Variants in CPEB1 observed in about 807,000 individuals in gnomAD.
CPEB1 encodes the protein cytoplasmic polyadenylation element binding protein 1, also known as cytoplasmic polyadenylation element-binding protein 1.
A neutral mutation model predicts 65.8 loss-of-function variants in CPEB1; 7 were observed. The ratio of observed to expected loss-of-function variants is 0.11; its 90% confidence interval spans 0.06 to 0.20. The LOEUF (loss-of-function observed/expected upper bound fraction) is 0.20, where lower values mean the gene tolerates loss of function less well. Among genes scored for constraint, CPEB1 ranks in the 10% least tolerant of loss-of-function variants. The pLI is 1.00. For missense variants in CPEB1, 551 were observed against 712.2 expected, an observed-to-expected ratio of 0.77 and a Z score of 2.58; for synonymous variants, 262 against 260.0, an observed-to-expected ratio of 1.01 and a Z score of -0.08.
chr15:82,590,996 T>A (rs1044931202), intron 3 of CPEB1, among the ~76,000 whole-genome samples: 2 of 152,224 alleles, frequency 1.3e-5, no homozygotes, highest in Non-Finnish European at 2.9e-5. Context: ...TGTGTTTTTA[T>A]GGTAAAACGA....
At position 82,544,392 on chromosome 15, in the gene CPEB1, C is replaced by T. The variant is rs2034806481; in HGVS notation, c.*200G>A. Reference sequence around the variant, plus strand: ...AGGGTCCTTGCCCTTGGTACACCCCCTGAAAACAAAACCTGACAAAACTCA... The same window carrying T: ...AGGGTCCTTGCCCTTGGTACACCCCTTGAAAACAAAACCTGACAAAACTCA... On this transcript the variant is annotated 3_prime_UTR_variant, in exon 13 of 13. Coordinates refer to ENST00000684509, the MANE Select transcript of CPEB1 (RefSeq NM_001365242.1). 7.2e-6 allele frequency: 4 copies of T among 553,044 alleles called. No homozygotes were observed. Among genetic ancestry groups the T allele is most frequent in the Admixed American group, 3.6e-5 (1 of 28,142 alleles). The allele number at this position is 553,044 out of a possible 1,614,324, so 34.3% of individuals were successfully genotyped here.
intron 1 of CPEB1, chr15:82,633,202 G>C (rs1256544842): frequency 1.3e-5 from 2 of 152,020 alleles, no homozygotes; most frequent in Non-Finnish European, 2.9e-5. Flanking sequence ...GGAGTCAACA[G>C]GAAGAATTAC....
At chr15:82,603,064 G>C (rs1324404193) in intron 3 of CPEB1, among the ~76,000 whole-genome samples, 1 of 152,054 alleles carries the variant, frequency 6.6e-6, no homozygotes, top group Non-Finnish European at 1.5e-5. Flanking sequence ...CAAGATAGCT[G>C]AATCTTGGTA....
intron 3 of CPEB1, among the ~76,000 whole-genome samples, chr15:82,611,901 G>GT (rs1412247527): frequency 1.3e-5 from 2 of 151,634 alleles, no homozygotes; most frequent in African/African-American, 4.8e-5. Context: ...AAAAAGATTA[G>GT]TAACACAGAC....
intron 3 of CPEB1, among the ~76,000 whole-genome samples, chr15:82,596,215 T>TA (rs1339640787): frequency 1.3e-5 from 2 of 152,098 alleles, no homozygotes; most frequent in African/African-American, 2.4e-5. Flanking sequence ...TCACGAAAAA[T>TA]AAAGCAGTTA....
intron 3 of CPEB1, among the ~76,000 whole-genome samples, chr15:82,597,960 G>A (rs1434471242): frequency 1.3e-5 from 2 of 152,186 alleles, no homozygotes; most frequent in African/African-American, 4.8e-5. Flanking sequence ...TAGGACTATT[G>A]ACAATGACTG....
intron 3 of CPEB1, among the ~76,000 whole-genome samples, chr15:82,592,977 A>T (rs2042380175): frequency 1.3e-5 from 2 of 152,200 alleles, no homozygotes; most frequent in Admixed American, 1.3e-4. Flanking sequence ...ATCCTGGACA[A>T]CAGAGCGATA....
intron 4 of CPEB1, chr15:82,562,136 A>C (rs890494319): frequency 1.3e-5 from 6 of 444,698 alleles, no homozygotes; most frequent in Admixed American, 2.5e-5. Context: ...TCCCACTCCA[A>C]GTACCATTCA....
At chr15:82,594,364 AAAAAGAAAAG>A (rs59982583) in intron 3 of CPEB1, among the ~76,000 whole-genome samples, 4 of 150,124 alleles carry the variant, frequency 2.7e-5, no homozygotes, top group South Asian at 2.1e-4. Context: ...TGAACCAAAA[AAAAAGAAAAG>A]AAAAGAAAAG....
chr15:82,560,919 G>T (rs1404542971), intron 4 of CPEB1, among the ~76,000 whole-genome samples: 1 of 152,222 alleles, frequency 6.6e-6, no homozygotes, highest in Non-Finnish European at 1.5e-5. Flanking sequence ...TCCCCCAAGG[G>T]GGTATGAAGG....
At chr15:82,628,333 G>C (rs2045950067) in intron 2 of CPEB1, 31 bp downstream of exon 2, 1 of 702,798 alleles carries the variant, frequency 1.4e-6, no homozygotes, top group Admixed American at 2.0e-5. Flanking sequence ...TCCAAGACAT[G>C]GACCTTGGAG....
At chr15:82,552,684 C>CA (rs1439369324) in intron 8 of CPEB1, 68 bp from the exon 9 acceptor site, 1 of 1,535,638 alleles carries the variant, frequency 6.5e-7, no homozygotes, top group East Asian at 2.3e-5. Flanking sequence ...CTTGGCTTTG[C>CA]AGCAGGGCGT....
At chr15:82,594,123 C>A (rs1014987462) in intron 3 of CPEB1, among the ~76,000 whole-genome samples, 4 of 152,186 alleles carry the variant, frequency 2.6e-5, no homozygotes, top group Non-Finnish European at 5.9e-5. Context: ...TTCTTCAAAG[C>A]TTTGAAGCCA....
chr15:82,548,196 G>A (rs1479741881), intron 10 of CPEB1, among the ~76,000 whole-genome samples: 3 of 152,014 alleles, frequency 2.0e-5, no homozygotes, highest in African/African-American at 7.2e-5. Context: ...TTAGCTGAGC[G>A]TGGTGGCGCA....
intron 3 of CPEB1, among the ~76,000 whole-genome samples, chr15:82,604,608 T>C (rs139409610): frequency 6.6e-6 from 1 of 151,778 alleles, no homozygotes; most frequent in East Asian, 1.9e-4. Context: ...AAGAACCAAT[T>C]AGAAATTCTA....
At chr15:82,643,232 T>A (rs2047241234) in intron 1 of CPEB1, among the ~76,000 whole-genome samples, 1 of 152,202 alleles carries the variant, frequency 6.6e-6, no homozygotes, top group Non-Finnish European at 1.5e-5. Context: ...CCAAAAACTT[T>A]CCAGGATACA....
intron 3 of CPEB1, among the ~76,000 whole-genome samples, chr15:82,611,113 T>C (rs140599152): frequency 1.3e-5 from 2 of 151,646 alleles, no homozygotes; most frequent in Non-Finnish European, 2.9e-5. Context: ...GTACTGAAGA[T>C]TTTAGCCAGC....
At chr15:82,612,866 A>G (rs1055333490) in intron 3 of CPEB1, among the ~76,000 whole-genome samples, 11 of 149,090 alleles carry the variant, frequency 7.4e-5, no homozygotes, top group African/African-American at 2.7e-4. Flanking sequence ...ACAAACAAAC[A>G]AAACAAACAA....
upstream of CPEB1, chr15:82,647,937 C>A: frequency 2.5e-6 from 3 of 1,187,442 alleles, no homozygotes; most frequent in South Asian, 1.2e-4. Flanking sequence ...GACGCGCACG[C>A]ACGTGGGCAC....
Sources: allele counts gnomAD v4.1 joint callset (sites outside exome capture counted in the v4.1 genomes callset), GRCh38; gene constraint gnomAD v4.1.1; transcripts MANE v1.5; gene names NCBI Gene and HGNC (gene_info 2026-07-23, HGNC 2026-07-21).